Variants in NEGR1 observed in about 807,000 individuals in gnomAD.
The protein encoded by NEGR1 is neuronal growth regulator 1, also known as IgLON family member 4.
NEGR1 carries 10 observed loss-of-function variants against 40.9 expected under a neutral mutation model. The ratio of observed to expected loss-of-function variants is 0.24; its 90% CI spans 0.15 to 0.42. The LOEUF (loss-of-function observed/expected upper bound fraction) is 0.42, where lower values mean the gene tolerates loss of function less well. NEGR1 is among the 10% of genes least tolerant of loss of function. NEGR1 has a pLI of 1.00. For synonymous variants in NEGR1, 185 were observed against 166.8 expected (o/e 1.11, Z -0.84); for missense variants, 352 against 438.9 (o/e 0.80, Z 1.77).
intron 6 of NEGR1, among the ~76,000 whole-genome samples, chr1:71,543,936 T>C (rs1647801260): frequency 1.3e-5 from 2 of 151,706 alleles, no homozygotes; most frequent in Admixed American, 6.6e-5. Context: ...ATATGAGGTT[T>C]TAGGCCTTAT....
At chr1:72,027,204 GCTTGAGCCA>G (rs1646818342) in intron 1 of NEGR1, among the ~76,000 whole-genome samples, 1 of 152,210 alleles carries the variant, frequency 6.6e-6, no homozygotes, top group East Asian at 1.9e-4. Context: ...GGAATTACAG[GCTTGAGCCA>G]CCGCACCCGG....
At chr1:71,586,811 A>G (rs887605177) in intron 6 of NEGR1, among the ~76,000 whole-genome samples, 1 of 152,126 alleles carries the variant, frequency 6.6e-6, no homozygotes, top group Non-Finnish European at 1.5e-5. Flanking sequence ...GACTTATGTG[A>G]TGATTATGTC....
At chr1:71,896,349 T>C (rs977002141) in intron 2 of NEGR1, among the ~76,000 whole-genome samples, 1 of 152,178 alleles carries the variant, frequency 6.6e-6, no homozygotes, top group South Asian at 2.1e-4. Context: ...TATAGTTTAT[T>C]TGGGGAATTT....
At chr1:71,575,395 A>G (rs1648931751) in intron 6 of NEGR1, among the ~76,000 whole-genome samples, 1 of 152,182 alleles carries the variant, frequency 6.6e-6, no homozygotes, top group Admixed American at 6.5e-5. Flanking sequence ...AGCAGTTCAG[A>G]TTTCCTCAAT....
intron 1 of NEGR1, among the ~76,000 whole-genome samples, chr1:71,945,452 A>C (rs890959519): frequency 6.6e-6 from 1 of 152,154 alleles, no homozygotes; most frequent in Non-Finnish European, 1.5e-5. Context: ...GAAAAAAATA[A>C]AGAATTCAGA....
intron 1 of NEGR1, among the ~76,000 whole-genome samples, chr1:72,001,616 A>G (rs1040625233): frequency 1.3e-5 from 2 of 150,060 alleles, no homozygotes; most frequent in African/African-American, 4.9e-5. Context: ...GCAGAAGAAA[A>G]CAAAATAAAT....
intron 1 of NEGR1, among the ~76,000 whole-genome samples, chr1:72,268,131 C>T (rs1655713775): frequency 6.6e-6 from 1 of 151,218 alleles, no homozygotes. Context: ...AAACAGAATA[C>T]ACCAAATACA....
At chr1:71,802,161 T>G (rs1557657789) in intron 2 of NEGR1, among the ~76,000 whole-genome samples, 1 of 152,128 alleles carries the variant, frequency 6.6e-6, no homozygotes, top group Non-Finnish European at 1.5e-5. Flanking sequence ...TTTTCCTTAC[T>G]GCTTAAGATA....
chr1:71,506,062 C>T (rs1647032802), intron 6 of NEGR1, among the ~76,000 whole-genome samples: 1 of 152,088 alleles, frequency 6.6e-6, no homozygotes, highest in African/African-American at 2.4e-5. Flanking sequence ...AGTGGGTCTG[C>T]CTTTGCCTAA....
chr1:71,501,162 T>G (rs974605124), intron 6 of NEGR1, among the ~76,000 whole-genome samples: 1 of 152,146 alleles, frequency 6.6e-6, no homozygotes, highest in Non-Finnish European at 1.5e-5. Context: ...TGTGCAGGCA[T>G]GTGTGCACAT....
At chr1:71,801,129 G>T (rs776187863) in intron 2 of NEGR1, among the ~76,000 whole-genome samples, 1 of 152,034 alleles carries the variant, frequency 6.6e-6, no homozygotes, top group Non-Finnish European at 1.5e-5. Context: ...TGATCACTTT[G>T]TTCCCCTTGA....
intron 3 of NEGR1, among the ~76,000 whole-genome samples, chr1:71,700,343 T>C (rs2794307): frequency 6.6e-6 from 1 of 151,656 alleles, no homozygotes; most frequent in African/African-American, 2.4e-5. Context: ...CTACATGCCT[T>C]ATTTGTATAC....
At chr1:71,949,648 T>A (rs1056770129) in intron 1 of NEGR1, among the ~76,000 whole-genome samples, 1 of 152,042 alleles carries the variant, frequency 6.6e-6, no homozygotes, top group African/African-American at 2.4e-5. Context: ...CCTTACTCTA[T>A]TGTACTTTAG....
At chr1:71,464,222 G>A (rs1646731064) in intron 6 of NEGR1, among the ~76,000 whole-genome samples, 1 of 152,132 alleles carries the variant, frequency 6.6e-6, no homozygotes, top group Admixed American at 6.6e-5. Context: ...AGTCAGGGAT[G>A]CAAAAGTGCC....
At chr1:72,170,257 C>G (rs367765958) in intron 1 of NEGR1, among the ~76,000 whole-genome samples, 1 of 152,102 alleles carries the variant, frequency 6.6e-6, no homozygotes, top group African/African-American at 2.4e-5. Context: ...ATATTTCAGG[C>G]CTTTCCTTAA....
intron 2 of NEGR1, among the ~76,000 whole-genome samples, chr1:71,910,043 A>G (rs1557428951): frequency 6.6e-6 from 1 of 152,226 alleles, no homozygotes; most frequent in African/African-American, 2.4e-5. Flanking sequence ...AAGACAGTAC[A>G]TCTTTTTGTG....
chr1:72,247,157 A>G (rs558303406), intron 1 of NEGR1, among the ~76,000 whole-genome samples: 2 of 152,138 alleles, frequency 1.3e-5, no homozygotes, highest in South Asian at 4.1e-4. Flanking sequence ...TAAGGTCTCT[A>G]AAATGCCTTT....
Position 71,406,458 on chromosome 1 carries a change from G to T in NEGR1, c.*988C>A, listed in dbSNP as rs1348887550. 2 of 151,806 alleles carry T rather than the reference G, an allele frequency of 1.3e-5. No homozygotes were observed. Among genetic ancestry groups the T allele is most frequent in the African/African-American group, 2.4e-5 (1 of 41,372 alleles). 9.4% of individuals were successfully genotyped at this position (151,806 alleles called of 1,614,324 possible). A position where few individuals can be genotyped will look rare whatever the true frequency, so the allele number is the denominator to read the frequency against. Reference sequence around the variant, plus strand: ...TCTGACAAATCATCTTAAAATTTTTGGCTTGGACTAGTGAAAGGAAAAGAT... The same window carrying T: ...TCTGACAAATCATCTTAAAATTTTTTGCTTGGACTAGTGAAAGGAAAAGAT... On this transcript the variant is annotated 3_prime_UTR_variant, in exon 7 of 7. Transcript: ENST00000357731.
Position 72,267,596 on chromosome 1 carries a change from G to A in NEGR1, c.176+14723C>T, listed in dbSNP as rs1460564635. On this transcript the variant is annotated intron_variant, in intron 1 of 6. Transcript: ENST00000357731. ...CACCAATTATTGAAATTGCTAGAGA[G>A]AAGTGTCATCCATTCCATTGTGCAT... 1.4e-4 allele frequency among the ~76,000 whole-genome samples: 21 copies of A among 151,286 alleles called. No homozygotes were observed. In the Admixed American group the frequency reaches 1.4e-3, roughly 10 times the overall value.
Sources: allele counts gnomAD v4.1 joint callset (sites outside exome capture counted in the v4.1 genomes callset), GRCh38; gene constraint gnomAD v4.1.1; transcripts MANE v1.5; gene names NCBI Gene and HGNC (gene_info 2026-07-23, HGNC 2026-07-21).